The following UGGT1 variants were observed in gnomAD, a reference collection of about 807,000 sequenced individuals.
UGGT1 encodes the protein UDP-glucose:glycoprotein glucosyltransferase 1.
Under a neutral mutation model 203.9 loss-of-function variants are expected in UGGT1, and 107 were observed. The ratio of observed to expected loss-of-function variants is 0.52; its 90% CI spans 0.45 to 0.62. The LOEUF is 0.62. UGGT1 is among the 20% of genes least tolerant of loss of function. UGGT1 has a pLI of 0.00. For missense variants in UGGT1, 1,673 were observed against 1,867.2 expected (o/e 0.90, Z 1.92); for synonymous variants, 628 against 653.5 (o/e 0.96, Z 0.59).
rs1691534392 is a variant in UGGT1, at chr2:128,178,810, T to C, written c.3815+241T>C. 2.0e-5 allele frequency among the ~76,000 whole-genome samples: 3 copies of C among 152,210 alleles called. 1 individual carries two copies. Among genetic ancestry groups the C allele is most frequent in the Admixed American group, 2.0e-4 (3 of 15,278 alleles). On this transcript the variant is annotated intron_variant, in intron 34 of 40. Transcript: ENST00000259253. ...AGGCTGCAGCCCTTTAACGTCACTG[T>C]ACACATTCATAGACTGTACTGTTTA...
At chr2:128,171,583 C>T (rs1013519827) in intron 28 of UGGT1, among the ~76,000 whole-genome samples, 3 of 152,194 alleles carry the variant, frequency 2.0e-5, no homozygotes, top group Admixed American at 6.5e-5. Flanking sequence ...TCTTGGCTCA[C>T]TGCAGCCTCT....
intron 27 of UGGT1, 128 bp from the exon 28 acceptor site, chr2:128,171,076 GT>G: frequency 1.2e-6 from 1 of 813,790 alleles, no homozygotes. Flanking sequence ...ATTTCCAGAA[GT>G]TTCGCCAGTG....
In UGGT1 at chr2:128,186,705, A is replaced by T; in HGVS notation, c.4382A>T (p.His1461Leu). ...CAGGATCTGCCCAATAACATGATTC[A>T]TCAGGTGCCAATTAAATCCCTCCCT... ...LDQDLPNNMI[H>L]QVPIKSLPQE... The change falls in exon 39 of 41, where the codon CAT (histidine) becomes CTT (leucine). Residue 1461 changes from histidine (H) to leucine (L), a missense_variant. Transcript: ENST00000259253. 6.2e-7 allele frequency: 1 copy of T among 1,613,584 alleles called. No individual in the cohort carries two copies. Among genetic ancestry groups the T allele is most frequent in the African/African-American group, 1.3e-5 (1 of 74,978 alleles).
At chr2:128,118,929 C>G (rs1688251845) in intron 8 of UGGT1, among the ~76,000 whole-genome samples, 1 of 152,070 alleles carries the variant, frequency 6.6e-6, no homozygotes, top group Non-Finnish European at 1.5e-5. Context: ...CTTGGCCTCC[C>G]AAAGTGCTAG....
intron 5 of UGGT1, among the ~76,000 whole-genome samples, chr2:128,111,982 A>G (rs891914658): frequency 3.3e-5 from 5 of 150,706 alleles, no homozygotes; most frequent in Admixed American, 3.3e-4. Flanking sequence ...TACAAAATAT[A>G]CAAAATTTAG....
rs201556016 is a variant in UGGT1 at position 128,176,156 on chromosome 2, G to A, written c.3540-658G>A. Among the ~76,000 whole-genome samples, 8 of 152,312 alleles carry A rather than the reference G, an allele frequency of 5.3e-5. No homozygotes were observed. The East Asian group carries it at 1.4e-3, about 26-fold the overall frequency. ...GAGTGATGGGTGATGGCTCACGCCT[G>A]TAATCCCAACACTTTGGGAGGCCGA... On this transcript the variant is annotated intron_variant, in intron 31 of 40. Transcript: ENST00000259253.
At chr2:128,174,114 T>C (rs1436112491) in intron 30 of UGGT1, among the ~76,000 whole-genome samples, 175 bp downstream of exon 30, 3 of 152,150 alleles carry the variant, frequency 2.0e-5, no homozygotes, top group Non-Finnish European at 2.9e-5. Context: ...TAGAATTACA[T>C]GTCAAAAGAA....
At chr2:128,095,386 TTCCC>T (rs1481726096) in intron 1 of UGGT1, among the ~76,000 whole-genome samples, 59 of 146,416 alleles carry the variant, frequency 4.0e-4, no homozygotes, top group Admixed American at 4.8e-4. Context: ...CCCCTTCCCC[TTCCC>T]CTTCTCCTTC....
chr2:128,179,626 A>G (rs920562029), intron 34 of UGGT1, among the ~76,000 whole-genome samples, 160 bp from the exon 35 acceptor site: 3 of 152,118 alleles, frequency 2.0e-5, no homozygotes, highest in Non-Finnish European at 2.9e-5. Context: ...AGTAAGTACA[A>G]TTTTTCATTT....
chr2:128,134,259 C>T (rs1267147079), intron 14 of UGGT1, among the ~76,000 whole-genome samples: 2 of 152,180 alleles, frequency 1.3e-5, no homozygotes, highest in Non-Finnish European at 2.9e-5. Flanking sequence ...TGGTTTCAAA[C>T]TCCTGAACTC....
intron 15 of UGGT1, among the ~76,000 whole-genome samples, chr2:128,137,262 A>G (rs930763189): frequency 6.6e-6 from 1 of 152,162 alleles, no homozygotes; most frequent in Non-Finnish European, 1.5e-5. Flanking sequence ...ACAGAGAACT[A>G]AAAAAGAGTA....
At chr2:128,180,579 A>G (rs1429390339) in intron 35 of UGGT1, among the ~76,000 whole-genome samples, 8 of 152,228 alleles carry the variant, frequency 5.3e-5, no homozygotes, top group Non-Finnish European at 1.2e-4. Flanking sequence ...ACTGAAATCA[A>G]GTTTAGACAA....
intron 38 of UGGT1, among the ~76,000 whole-genome samples, chr2:128,186,262 A>C (rs1228774942): frequency 6.6e-6 from 1 of 152,234 alleles, no homozygotes; most frequent in East Asian, 1.9e-4. Context: ...TGTGATTGGC[A>C]TGTGATCTGT....
chr2:128,187,518 T>A lies in UGGT1; in HGVS notation c.4546T>A (p.Tyr1516Asn), dbSNP rs565417201. ...AVRIVPEWQDYDQEIKQLQIR... is the reference protein window; with the variant it reads ...AVRIVPEWQDNDQEIKQLQIR... ...GCGGATTGTCCCGGAGTGGCAGGAC[T>A]ACGACCAAGAGATCAAACAGCTACA... Residue 1516 changes from tyrosine (Y) to asparagine (N), a missense_variant, in exon 40 of 41, where the codon TAC becomes AAC. Physicochemically the swap from Tyr to Asn is moderately radical, Grantham distance 143. This residue lies in a region of UGGT1 where 513 missense variants were observed against 684.1 expected (regional missense o/e 0.75). Transcript: ENST00000259253. 6.2e-7 allele frequency: 1 copy of A among 1,614,104 alleles called. No individual in the cohort carries two copies. The highest frequency in any genetic ancestry group is 2.2e-5 in the East Asian group (1 of 44,876).
intron 27 of UGGT1, among the ~76,000 whole-genome samples, chr2:128,170,969 C>T (rs1691065646): frequency 1.3e-5 from 2 of 152,172 alleles, no homozygotes; most frequent in Admixed American, 1.3e-4. Flanking sequence ...ACAGGAACTG[C>T]CTTCGTGTGA....
At chr2:128,144,960 G>A (rs2105463084) in intron 17 of UGGT1, among the ~76,000 whole-genome samples, 1 of 152,204 alleles carries the variant, frequency 6.6e-6, no homozygotes, top group South Asian at 2.1e-4. Context: ...TTAATCTGAG[G>A]GACAAGCACC....
In UGGT1 at chr2:128,091,279, C is replaced by T. The variant is rs1573474223; in HGVS notation, c.-79C>T. The T allele has an allele frequency of 1.1e-5, 15 of 1,419,514 alleles. No individual in the cohort carries two copies. The East Asian group carries it at 3.9e-4, about 37-fold the overall frequency. The allele number at this position is 1,419,514 out of a possible 1,614,324, so 87.9% of individuals were successfully genotyped here. On this transcript the variant is annotated 5_prime_UTR_variant, in exon 1 of 41. Coordinates refer to ENST00000259253, the MANE Select transcript of UGGT1 (RefSeq NM_020120.4). ...CGTGTCGGCCTCTCACTGGCGCAGC[C>T]TGCACTGCCGCTGCCGCCTCGCCCC...
chr2:128,170,854 C>G (rs1558816292), intron 27 of UGGT1, among the ~76,000 whole-genome samples: 2 of 152,186 alleles, frequency 1.3e-5, no homozygotes, highest in Non-Finnish European at 2.9e-5. Context: ...GAATAAATCT[C>G]TAACCTTTTT....
chr2:128,118,778 G>A (rs778755949), intron 8 of UGGT1, among the ~76,000 whole-genome samples: 3 of 151,936 alleles, frequency 2.0e-5, no homozygotes, highest in South Asian at 4.1e-4. Context: ...GTGCAGTGGC[G>A]CCATCATGGC....
Sources: allele counts gnomAD v4.1 joint callset (sites outside exome capture counted in the v4.1 genomes callset), GRCh38; gene constraint gnomAD v4.1.1; regional missense constraint gnomAD v4.1.1; transcripts MANE v1.5; gene names NCBI Gene and HGNC (gene_info 2026-07-23, HGNC 2026-07-21).